The following SLC35F2 variants were observed in gnomAD, a reference collection of about 807,000 sequenced individuals.
SLC35F2 encodes solute carrier family 35 member F2.
A neutral mutation model predicts 38.1 loss-of-function variants in SLC35F2; 25 were observed. The ratio of observed to expected loss-of-function variants is 0.66; its 90% CI spans 0.48 to 0.92. SLC35F2 has a LOEUF of 0.92. SLC35F2 is among the 40% of genes least tolerant of loss of function. The pLI, the probability that SLC35F2 is intolerant of heterozygous loss-of-function variation, is 0.00. For missense variants in SLC35F2, 409 were observed against 452.9 expected (o/e 0.90, Z 0.88); for synonymous variants, 173 against 181.7 (o/e 0.95, Z 0.38).
At position 107,818,078 on chromosome 11, in the gene SLC35F2, AAG is replaced by A. The variant is rs1220041168; in HGVS notation, c.111-2115_111-2114del. ...TCTCAAAAAAAAAAAAAAAAAAAGA[AAG>A]AAAGAAAGAAAGAAAGAAAGAAAGA... On this transcript the variant is annotated intron_variant, in intron 1 of 7. Transcript: ENST00000525815. 2.6e-4 allele frequency among the ~76,000 whole-genome samples: 25 copies of A among 97,332 alleles called. 3 individuals are homozygous for A. Among genetic ancestry groups the A allele is most frequent in the South Asian group, 7.0e-4 (2 of 2,856 alleles). 63.9% of individuals were successfully genotyped at this position (97,332 alleles called of 152,430 possible).
intron 1 of SLC35F2, among the ~76,000 whole-genome samples, chr11:107,849,631 T>A (rs1452683210): frequency 1.0e-5 from 1 of 98,164 alleles, no homozygotes; most frequent in African/African-American, 4.3e-5. Context: ...AGAGCAAGAC[T>A]CCGTTTTGGG....
chr11:107,840,823 C>A, intron 1 of SLC35F2: 1 of 152,182 alleles, frequency 6.6e-6, no homozygotes, highest in Non-Finnish European at 1.5e-5. Context: ...GTACCTCTAA[C>A]AACTGACCTA....
In SLC35F2 at chr11:107,853,738, AAAAG is replaced by A. The variant is rs1476813511; in HGVS notation, c.110+4916_110+4919del. Among the ~76,000 whole-genome samples the A allele has an allele frequency of 1.7e-4, 26 of 149,414 alleles. 1 individual carries two copies. The East Asian group carries it at 5.1e-3, about 29-fold the overall frequency. On this transcript the variant is annotated intron_variant, in intron 1 of 7. Coordinates refer to ENST00000525815, the MANE Select transcript of SLC35F2 (RefSeq NM_017515.5). ...CCGTCTCAAAAAAAAAAAAAAAAAA[AAAAG>A]AAAGAATCAATGAATAAACCATGTC...
rs1591213298 is a variant in SLC35F2, at chr11:107,853,672, A to G, written c.110+4986T>C. 3.4e-5 allele frequency among the ~76,000 whole-genome samples: 5 copies of G among 145,408 alleles called. No homozygotes were observed. The South Asian group carries it at 8.7e-4, about 25-fold the overall frequency. ...GAGGCGGAGCTTGCAGTGAGCCGAG[A>G]TCGCGCCACTGCACTCCAGCCTGGG... On this transcript the variant is annotated intron_variant, in intron 1 of 7. Coordinates refer to ENST00000525815, the MANE Select transcript of SLC35F2 (RefSeq NM_017515.5).
intron 1 of SLC35F2, 39 bp downstream of exon 1, chr11:107,858,619 C>T (rs970052311): frequency 8.0e-7 from 1 of 1,257,446 alleles, no homozygotes. Flanking sequence ...CAGCCGCCCC[C>T]ACGCCCCAGC....
chr11:107,827,974 G>A (rs1005420002), intron 1 of SLC35F2, among the ~76,000 whole-genome samples: 2 of 152,030 alleles, frequency 1.3e-5, no homozygotes, highest in African/African-American at 2.4e-5. Context: ...TTTGGAGAAC[G>A]GCTGATTTCA....
At chr11:107,814,667 A>C (rs1591192395) in intron 2 of SLC35F2, among the ~76,000 whole-genome samples, 1 of 152,160 alleles carries the variant, frequency 6.6e-6, no homozygotes, top group Non-Finnish European at 1.5e-5. Context: ...ACTTTGGTTA[A>C]TAACAATGTA....
At chr11:107,831,188 A>T (rs1859834951) in intron 1 of SLC35F2, among the ~76,000 whole-genome samples, 1 of 152,220 alleles carries the variant, frequency 6.6e-6, no homozygotes, top group Non-Finnish European at 1.5e-5. Flanking sequence ...GAACAAATGG[A>T]TTACAAGAAG....
chr11:107,794,768 C>T (rs889182577), intron 7 of SLC35F2, among the ~76,000 whole-genome samples: 1 of 152,120 alleles, frequency 6.6e-6, no homozygotes, highest in Non-Finnish European at 1.5e-5. Context: ...TAAATTATCC[C>T]TCTCTGTAGA....
intron 1 of SLC35F2, among the ~76,000 whole-genome samples, chr11:107,853,179 G>C (rs937265117): frequency 2.6e-5 from 4 of 152,098 alleles, no homozygotes; most frequent in African/African-American, 9.7e-5. Flanking sequence ...ACTCATTCAG[G>C]CTTCATAATC....
intron 3 of SLC35F2, chr11:107,810,146 G>A: frequency 1.0e-6 from 1 of 985,440 alleles, no homozygotes; most frequent in South Asian, 4.7e-5. Flanking sequence ...TCCTATCACA[G>A]CTGTCGCTGC....
chr11:107,795,817 C>G (rs1859208427), intron 7 of SLC35F2, among the ~76,000 whole-genome samples: 1 of 152,118 alleles, frequency 6.6e-6, no homozygotes, highest in Non-Finnish European at 1.5e-5. Context: ...CAAAAAATAA[C>G]ATGCTGGCAA....
chr11:107,800,427 ATT>A (rs34892947), intron 7 of SLC35F2, among the ~76,000 whole-genome samples: 61,900 of 151,698 alleles, frequency 0.41, 13,456 homozygotes, highest in Non-Finnish European at 0.49. Flanking sequence ...ATAAATAAGG[ATT>A]TGTCTGGATA....
At chr11:107,802,571 T>TA (rs1859326715) in intron 7 of SLC35F2, among the ~76,000 whole-genome samples, 1 of 152,256 alleles carries the variant, frequency 6.6e-6, no homozygotes, top group African/African-American at 2.4e-5. Flanking sequence ...GCATGCATGA[T>TA]AAACTGGCCA....
At chr11:107,855,757 G>A (rs1021529389) in intron 1 of SLC35F2, among the ~76,000 whole-genome samples, 1 of 151,668 alleles carries the variant, frequency 6.6e-6, no homozygotes, top group Non-Finnish European at 1.5e-5. Context: ...ATATTTAGGA[G>A]GCTACTAGAC....
At chr11:107,805,560 G>C (rs1006372303) in intron 4 of SLC35F2, 45 bp from the exon 5 acceptor site, 2 of 1,591,032 alleles carry the variant, frequency 1.3e-6, no homozygotes, top group Admixed American at 1.8e-5. Context: ...GTCAACAGAT[G>C]AACCTCCACA....
Position 107,832,411 on chromosome 11 carries a change from T to C in SLC35F2, c.111-16446A>G, listed in dbSNP as rs550555514. 9.8e-5 allele frequency among the ~76,000 whole-genome samples: 15 copies of C among 152,328 alleles called. No homozygotes were observed. In the South Asian group the frequency reaches 2.9e-3, roughly 29 times the overall value. ...TGATTGATGGATCAAATTGCCTGAT[T>C]GACTAAACCTTAAAAGAACCAGATA... On this transcript the variant is annotated intron_variant, in intron 1 of 7. Coordinates refer to ENST00000525815, the MANE Select transcript of SLC35F2 (RefSeq NM_017515.5).
chr11:107,820,295 G>A (rs1054163371), intron 1 of SLC35F2, among the ~76,000 whole-genome samples: 1 of 151,464 alleles, frequency 6.6e-6, no homozygotes, highest in African/African-American at 2.4e-5. Context: ...AGAAAAGAAA[G>A]GGAGGGAGGG....
At chr11:107,814,067 T>C (rs1859523890) in intron 2 of SLC35F2, among the ~76,000 whole-genome samples, 1 of 152,182 alleles carries the variant, frequency 6.6e-6, no homozygotes, top group Non-Finnish European at 1.5e-5. Context: ...CTGGATTCAC[T>C]AACCTTTGCA....
Sources: gnomAD v4.1 joint callset for allele counts (sites outside exome capture counted in the v4.1 genomes callset) on GRCh38, gnomAD v4.1.1 for gene constraint, MANE v1.5 for transcripts, NCBI Gene and HGNC (gene_info 2026-07-23, HGNC 2026-07-21) for gene names.